The following TSPAN5 variants were observed in gnomAD, a reference collection of about 807,000 sequenced individuals.
TSPAN5 encodes the protein tetraspanin-5.
A neutral mutation model predicts 37.1 loss-of-function variants in TSPAN5; 10 were observed. That is an observed-to-expected ratio of 0.27 (90% confidence interval 0.17 to 0.46). TSPAN5 has a LOEUF of 0.46. Among genes scored for constraint, TSPAN5 ranks in the 20% least tolerant of loss-of-function variants. The probability of loss-of-function intolerance (pLI) is 1.00; values close to 1 mark genes in which losing one functional copy is unlikely to be tolerated. For missense variants in TSPAN5, 195 were observed against 326.6 expected (o/e 0.60, Z 3.11); for synonymous variants, 110 against 118.9 (o/e 0.93, Z 0.48).
chr4:98,611,335 G>A (rs7700032), intron 1 of TSPAN5, among the ~76,000 whole-genome samples: 76,684 of 151,524 alleles, frequency 0.51, 19,697 homozygotes, highest in Middle Eastern at 0.59. Flanking sequence ...GAAAGCACCC[G>A]GTCAATTTTA....
chr4:98,512,906 T>C (rs1753641360), intron 1 of TSPAN5, among the ~76,000 whole-genome samples: 1 of 152,032 alleles, frequency 6.6e-6, no homozygotes, highest in Non-Finnish European at 1.5e-5. Context: ...AGTCCTCAAA[T>C]AAAGAGTAAA....
chr4:98,541,078 C>G (rs1322568561), intron 1 of TSPAN5, among the ~76,000 whole-genome samples: 1 of 152,152 alleles, frequency 6.6e-6, no homozygotes, highest in Non-Finnish European at 1.5e-5. Context: ...CTCTTTGAAG[C>G]TCAACTTCCT....
At chr4:98,586,181 T>C (rs937136499) in intron 1 of TSPAN5, among the ~76,000 whole-genome samples, 8 of 152,190 alleles carry the variant, frequency 5.3e-5, no homozygotes, top group Non-Finnish European at 7.3e-5. Flanking sequence ...CAGACTGAAG[T>C]TTTAAGAGTC....
chr4:98,590,707 C>CA (rs201373765), intron 1 of TSPAN5, among the ~76,000 whole-genome samples: 1,658 of 91,364 alleles, frequency 0.018, 26 homozygotes, highest in African/African-American at 0.048. Flanking sequence ...GAGACTGTCT[C>CA]AAAAAAAAAA....
intron 1 of TSPAN5, among the ~76,000 whole-genome samples, chr4:98,621,986 G>T (rs562700869): frequency 8.5e-5 from 13 of 152,082 alleles, no homozygotes; most frequent in Non-Finnish European, 1.8e-4. Context: ...CATTGTATGG[G>T]TATACCACAA....
At chr4:98,633,228 C>T (rs1329666398) in intron 1 of TSPAN5, among the ~76,000 whole-genome samples, 2 of 152,172 alleles carry the variant, frequency 1.3e-5, no homozygotes, top group Non-Finnish European at 2.9e-5. Flanking sequence ...CTTGTAATCT[C>T]CTTAGTACAG....
intron 2 of TSPAN5, among the ~76,000 whole-genome samples, chr4:98,489,870 C>T (rs777943756): frequency 2.2e-4 from 33 of 152,152 alleles, no homozygotes; most frequent in Non-Finnish European, 4.4e-4. Flanking sequence ...ACCTTGGAAG[C>T]GGCCCGCCAC....
chr4:98,530,730 T>TACACACAC (rs60087929), intron 1 of TSPAN5, among the ~76,000 whole-genome samples: 2,048 of 150,350 alleles, frequency 0.014, 40 homozygotes, highest in African/African-American at 0.044. Context: ...ACACATATTA[T>TACACACAC]ACACACACAC....
rs1388399794 is a variant in TSPAN5, at chr4:98,607,687, A to C, written c.81+50459T>G. ...GAGTACACAGTTGGGAAAAAAAAGA[A>C]ACAATCTGTGATGCCTTAAATGAAA... On this transcript the variant is annotated intron_variant, in intron 1 of 7. Transcript: ENST00000305798. Among the ~76,000 whole-genome samples the C allele has an allele frequency of 4.6e-5, 7 of 152,030 alleles. 1 individual carries two copies. Among genetic ancestry groups the C allele is most frequent in the Admixed American group, 4.6e-4 (7 of 15,248 alleles).
chr4:98,504,394 G>A (rs1452820389), intron 2 of TSPAN5, among the ~76,000 whole-genome samples: 2 of 152,112 alleles, frequency 1.3e-5, no homozygotes. Flanking sequence ...TTAACCCAAA[G>A]GGCTTTGAGA....
At chr4:98,521,629 A>C (rs1357925070) in intron 1 of TSPAN5, among the ~76,000 whole-genome samples, 1 of 152,154 alleles carries the variant, frequency 6.6e-6, no homozygotes, top group African/African-American at 2.4e-5. Context: ...AGTCCTTGAC[A>C]CTCAGTGTTA....
At chr4:98,534,937 G>C (rs895541281) in intron 1 of TSPAN5, among the ~76,000 whole-genome samples, 3 of 152,148 alleles carry the variant, frequency 2.0e-5, no homozygotes, top group Admixed American at 6.5e-5. Context: ...TTGCATGTGA[G>C]TTGGATCTCC....
At chr4:98,478,569 C>T in intron 5 of TSPAN5, 116 bp downstream of exon 5, 1 of 1,285,784 alleles carries the variant, frequency 7.8e-7, no homozygotes, top group Non-Finnish European at 1.1e-6. Context: ...ACAGGAGCTA[C>T]AAATACGAGT....
At chr4:98,561,344 G>A (rs555142194) in intron 1 of TSPAN5, among the ~76,000 whole-genome samples, 1 of 152,370 alleles carries the variant, frequency 6.6e-6, no homozygotes, top group South Asian at 2.1e-4. Context: ...GAGGTCGGGA[G>A]TTCAAGACCA....
chr4:98,508,433 C>T (rs980453108), intron 1 of TSPAN5, among the ~76,000 whole-genome samples: 2 of 152,024 alleles, frequency 1.3e-5, no homozygotes, highest in African/African-American at 2.4e-5. Context: ...CAAATCTCAC[C>T]GTTCTGTCAA....
chr4:98,558,256 G>A (rs1231637504), intron 1 of TSPAN5, among the ~76,000 whole-genome samples: 3 of 149,568 alleles, frequency 2.0e-5, no homozygotes, highest in Non-Finnish European at 4.4e-5. Context: ...TGCAGCACCA[G>A]GGAACAAGCA....
chr4:98,635,746 A>G (rs530606641), intron 1 of TSPAN5, among the ~76,000 whole-genome samples: 1 of 152,354 alleles, frequency 6.6e-6, no homozygotes, highest in East Asian at 1.9e-4. Context: ...AGAGCGTTCC[A>G]CAGCCCCCTC....
intron 1 of TSPAN5, among the ~76,000 whole-genome samples, chr4:98,542,524 G>A (rs981382537): frequency 6.6e-6 from 1 of 151,982 alleles, no homozygotes; most frequent in South Asian, 2.1e-4. Flanking sequence ...AAGACCAGCC[G>A]AGGTAAAACA....
chr4:98,639,288 GATCTT>G (rs577123807), intron 1 of TSPAN5, among the ~76,000 whole-genome samples: 41 of 152,248 alleles, frequency 2.7e-4, no homozygotes, highest in Admixed American at 2.5e-3. Flanking sequence ...TTGAAACACT[GATCTT>G]ATCTATGTTA....
Sources: allele counts gnomAD v4.1 joint callset (sites outside exome capture counted in the v4.1 genomes callset), GRCh38; gene constraint gnomAD v4.1.1; transcripts MANE v1.5; gene names NCBI Gene and HGNC (gene_info 2026-07-23, HGNC 2026-07-21).